The following MTFR1 variants were observed in gnomAD, a reference collection of about 807,000 sequenced individuals.
MTFR1 encodes mitochondrial fission regulator 1, also known as chondrocyte protein with a poly-proline region.
MTFR1 carries 28 observed loss-of-function variants against 38.8 expected under a neutral mutation model. The observed-to-expected ratio is 0.72, with a 90% CI of 0.53 to 0.99. The LOEUF (loss-of-function observed/expected upper bound fraction) is 0.99. MTFR1 is among the 50% of genes least tolerant of loss of function. The pLI, the probability that MTFR1 is intolerant of heterozygous loss-of-function variation, is 0.00. For synonymous variants in MTFR1, 145 were observed against 137.0 expected (o/e 1.06, Z -0.41); for missense variants, 358 against 395.5 (o/e 0.91, Z 0.81).
At chr8:65,690,002 G>A (rs1805224654) in intron 3 of MTFR1, among the ~76,000 whole-genome samples, 1 of 152,050 alleles carries the variant, frequency 6.6e-6, no homozygotes, top group African/African-American at 2.4e-5. Flanking sequence ...GGTATCATTT[G>A]CCTAATTAAG....
At chr8:65,698,147 T>G (rs1286275300) in intron 4 of MTFR1, among the ~76,000 whole-genome samples, 1 of 148,506 alleles carries the variant, frequency 6.7e-6, no homozygotes, top group Non-Finnish European at 1.5e-5. Flanking sequence ...CCATGATTTT[T>G]TTTTTTCTTT....
intron 3 of MTFR1, chr8:65,689,528 A>C (rs776627959): frequency 1.3e-5 from 16 of 1,218,220 alleles, no homozygotes; most frequent in South Asian, 5.8e-5. Flanking sequence ...AAAAATTTCT[A>C]TCTCTTCACT....
intron 3 of MTFR1, among the ~76,000 whole-genome samples, chr8:65,768,180 G>C (rs1011549150): frequency 6.6e-6 from 1 of 152,216 alleles, no homozygotes; most frequent in Non-Finnish European, 1.5e-5. Flanking sequence ...AACACAGTTT[G>C]AGGGTTTTTC....
downstream of MTFR1, among the ~76,000 whole-genome samples, chr8:65,772,892 C>T (rs1047923029): frequency 6.6e-6 from 1 of 152,080 alleles, no homozygotes; most frequent in Admixed American, 6.5e-5. Flanking sequence ...CCTGTAATCC[C>T]AGCTACTTGG....
At chr8:65,728,950 C>G (rs1360937758) in intron 3 of MTFR1, among the ~76,000 whole-genome samples, 1 of 151,986 alleles carries the variant, frequency 6.6e-6, no homozygotes, top group Non-Finnish European at 1.5e-5. Context: ...ACTTTAAAAA[C>G]AAATCACACA....
At chr8:65,742,982 T>A (rs1382646868) in intron 3 of MTFR1, among the ~76,000 whole-genome samples, 3 of 152,230 alleles carry the variant, frequency 2.0e-5, no homozygotes, top group Non-Finnish European at 2.9e-5. Flanking sequence ...GCCCATCCAG[T>A]GCACTGCTGA....
intron 3 of MTFR1, chr8:65,724,711 T>TC: frequency 7.3e-7 from 1 of 1,366,734 alleles, no homozygotes; most frequent in East Asian, 2.3e-5. Flanking sequence ...ACTAGAATAT[T>TC]CATTTTTTAG....
intron 1 of MTFR1, among the ~76,000 whole-genome samples, chr8:65,653,193 G>A (rs184679732): frequency 7.7e-4 from 117 of 152,278 alleles, no homozygotes; most frequent in Non-Finnish European, 2.5e-4. Flanking sequence ...ATGAGGCTAA[G>A]TTTATTTAAT....
chr8:65,662,367 C>T (rs962363338), intron 1 of MTFR1, among the ~76,000 whole-genome samples: 7 of 151,882 alleles, frequency 4.6e-5, no homozygotes, highest in South Asian at 2.1e-4. Flanking sequence ...CCCGAGGTGC[C>T]GGGATGGCAG....
intron 1 of MTFR1, among the ~76,000 whole-genome samples, chr8:65,655,984 T>TATATA (rs1809258449): frequency 8.9e-6 from 1 of 112,516 alleles, no homozygotes; most frequent in Non-Finnish European, 1.8e-5. Flanking sequence ...TATATATATA[T>TATATA]GGTAGTGGGT....
At chr8:65,733,081 AT>A (rs773372830) in intron 3 of MTFR1, among the ~76,000 whole-genome samples, 3 of 152,132 alleles carry the variant, frequency 2.0e-5, no homozygotes, top group East Asian at 3.8e-4. Context: ...GGGCTTTGTG[AT>A]TTTATCTATA....
chr8:65,689,366 A>G (rs566645201), intron 3 of MTFR1, among the ~76,000 whole-genome samples: 1 of 152,344 alleles, frequency 6.6e-6, no homozygotes. Flanking sequence ...TTTTACTAAT[A>G]TGCACTTTAT....
At chr8:65,657,017 ATT>A (rs138679527) in intron 1 of MTFR1, among the ~76,000 whole-genome samples, 6,200 of 134,628 alleles carry the variant, frequency 0.046, 186 homozygotes, top group Non-Finnish European at 0.068. Context: ...TTATTTACTT[ATT>A]TTTTTTTTTT....
chr8:65,773,008 A>C (rs987271875), downstream of MTFR1, among the ~76,000 whole-genome samples: 3 of 149,344 alleles, frequency 2.0e-5, no homozygotes, highest in African/African-American at 7.3e-5. Flanking sequence ...ACTCTGTCTC[A>C]AAAAAAAAAA....
At chr8:65,649,000 C>T (rs1321444156) in intron 1 of MTFR1, among the ~76,000 whole-genome samples, 1 of 151,478 alleles carries the variant, frequency 6.6e-6, no homozygotes, top group Non-Finnish European at 1.5e-5. Flanking sequence ...TCTGTATCCG[C>T]AGATAGAAAA....
At position 65,754,086 on chromosome 8, in the gene MTFR1, G is replaced by C. The variant is rs573828625; in HGVS notation, c.*49-16861G>C. Among the ~76,000 whole-genome samples the C allele has an allele frequency of 4.6e-5, 7 of 152,254 alleles. No homozygotes were observed. In the South Asian group the frequency reaches 1.5e-3, roughly 32 times the overall value. On this transcript the variant is annotated intron_variant, in intron 3 of 3. Coordinates refer to the MTFR1 transcript ENST00000521247. ...ATCTGCAAGCTGAGGAGCAAGGAAAGCAAGTCTGAGTCCCAGAACTGAAGA... is the reference window on the plus strand; with the variant it reads ...ATCTGCAAGCTGAGGAGCAAGGAAACCAAGTCTGAGTCCCAGAACTGAAGA...
intron 2 of MTFR1, chr8:65,679,748 C>A (rs1316841907): frequency 2.6e-5 from 4 of 152,170 alleles, no homozygotes; most frequent in African/African-American, 9.7e-5. Context: ...ACTTGCGAGG[C>A]TTCCCATTTT....
intron 3 of MTFR1, among the ~76,000 whole-genome samples, chr8:65,761,083 G>C (rs1030237970): frequency 6.7e-6 from 1 of 150,360 alleles, no homozygotes; most frequent in Non-Finnish European, 1.5e-5. Flanking sequence ...TTTTTTAGAC[G>C]GAGTCTCGCC....
chr8:65,666,478 C>T (rs1804386183), intron 1 of MTFR1, among the ~76,000 whole-genome samples: 1 of 152,142 alleles, frequency 6.6e-6, no homozygotes. Flanking sequence ...TGTTTAGTTA[C>T]ATGGTGTAGT....
Sources: gnomAD v4.1 joint callset for allele counts (sites outside exome capture counted in the v4.1 genomes callset) on GRCh38, gnomAD v4.1.1 for gene constraint, MANE v1.5 for transcripts, NCBI Gene and HGNC (gene_info 2026-07-23, HGNC 2026-07-21) for gene names.